MXI1: variants seen among roughly 807,000 people sequenced by gnomAD.
MXI1 encodes the protein max-interacting protein 1.
A neutral mutation model predicts 36.9 loss-of-function variants in MXI1; 18 were observed. The observed-to-expected ratio is 0.49, with a 90% CI of 0.34 to 0.72. The LOEUF (loss-of-function observed/expected upper bound fraction) is 0.72. Ranked by LOEUF, MXI1 falls within the 30% of genes least tolerant of loss-of-function variation. The pLI, the probability that MXI1 is intolerant of heterozygous loss-of-function variation, is 0.01. For synonymous variants in MXI1, 160 were observed against 146.7 expected (o/e 1.09, Z -0.65); for missense variants, 304 against 379.1 (o/e 0.80, Z 1.64).
intron 3 of MXI1, among the ~76,000 whole-genome samples, chr10:110,262,353 A>G (rs1856546643): frequency 6.6e-6 from 1 of 152,152 alleles, no homozygotes; most frequent in African/African-American, 2.4e-5. Flanking sequence ...ACCATTTTAT[A>G]TCAGGGACTT....
intron 3 of MXI1, 101 bp from the exon 4 acceptor site, chr10:110,279,079 A>ATTT: frequency 2.3e-6 from 2 of 860,128 alleles, no homozygotes; most frequent in East Asian, 5.2e-5. Flanking sequence ...TCTATCCTAT[A>ATTT]GGCTGAATAA....
At chr10:110,250,457 T>G (rs1436821586) in intron 3 of MXI1, among the ~76,000 whole-genome samples, 2 of 152,162 alleles carry the variant, frequency 1.3e-5, no homozygotes, top group African/African-American at 4.8e-5. Context: ...AAGACACAAT[T>G]CAGTATCAGT....
chr10:110,268,866 C>T (rs556733446), intron 3 of MXI1, among the ~76,000 whole-genome samples: 1 of 152,200 alleles, frequency 6.6e-6, no homozygotes, highest in Admixed American at 6.5e-5. Context: ...TTATCAGGGA[C>T]TATGGCGTAT....
intron 1 of MXI1, chr10:110,226,199 C>T (rs1018288447): frequency 2.0e-6 from 3 of 1,472,000 alleles, no homozygotes; most frequent in African/African-American, 1.5e-5. Context: ...CCGGTCGCCA[C>T]CCGCGGTGCC....
chr10:110,225,989 G>T, intron 1 of MXI1: 1 of 983,064 alleles, frequency 1.0e-6, no homozygotes, highest in Non-Finnish European at 1.2e-6. Flanking sequence ...TGCTCGCGGG[G>T]AGAGGTAAAC....
intron 5 of MXI1, among the ~76,000 whole-genome samples, chr10:110,282,131 T>C (rs1954282): frequency 0.26 from 38,930 of 152,014 alleles, 6,325 homozygotes; most frequent in African/African-American, 0.47. Flanking sequence ...CCAAACAGAG[T>C]TGGTAACCTA....
chr10:110,208,410 G>A, intron 1 of MXI1: 1 of 171,848 alleles, frequency 5.8e-6, no homozygotes, highest in Non-Finnish European at 1.2e-5. Context: ...CTTTGAGGTC[G>A]CTTTTCTTCC....
chr10:110,234,566 G>A (rs1295336983), intron 2 of MXI1, among the ~76,000 whole-genome samples: 2 of 151,784 alleles, frequency 1.3e-5, no homozygotes, highest in Non-Finnish European at 2.9e-5. Flanking sequence ...ATACATCTAT[G>A]GTACCACTCG....
Position 110,273,063 on chromosome 10 carries a change from T to TG in MXI1, c.438-6116dup, listed in dbSNP as rs1856907949. Among the ~76,000 whole-genome samples the TG allele has an allele frequency of 1.7e-4, 24 of 145,082 alleles. No individual in the cohort carries two copies. The South Asian group carries it at 5.7e-3, about 35-fold the overall frequency. Reference sequence around the variant, plus strand: ...TAGCTTTTTTTTTTTTTTTTTTTTTTGTGAGATGGAGTCTCGCTCTGTCAC... The same window carrying TG: ...TAGCTTTTTTTTTTTTTTTTTTTTTTGGTGAGATGGAGTCTCGCTCTGTCAC... On this transcript the variant is annotated intron_variant, in intron 3 of 5. Coordinates refer to ENST00000332674, the MANE Select transcript of MXI1 (RefSeq NM_130439.3).
rs1448882340 is a variant in MXI1 at position 110,287,086 on chromosome 10, G to C, written c.*2099G>C. 6.6e-6 allele frequency: 1 copy of C among 152,152 alleles called. No homozygotes were observed. The highest frequency in any genetic ancestry group is 6.5e-5 in the Admixed American group (1 of 15,272). 9.4% of individuals were successfully genotyped at this position (152,152 alleles called of 1,614,324 possible). On this transcript the variant is annotated 3_prime_UTR_variant, in exon 6 of 6. Coordinates refer to ENST00000332674, the MANE Select transcript of MXI1 (RefSeq NM_130439.3). ...GAAGCCAGTGACTAAGCTTCTGTTT[G>C]TTTTGTTATTCTCATGGCCTTCGCT...
intron 5 of MXI1, among the ~76,000 whole-genome samples, chr10:110,282,823 T>C (rs761251981): frequency 2.0e-5 from 3 of 152,162 alleles, no homozygotes; most frequent in Non-Finnish European, 4.4e-5. Context: ...TTTTTTTGGG[T>C]TTTTAAAAAA....
intron 3 of MXI1, among the ~76,000 whole-genome samples, chr10:110,264,458 C>T (rs560085490): frequency 2.0e-5 from 3 of 151,604 alleles, no homozygotes; most frequent in Admixed American, 6.6e-5. Context: ...TTCCGCCTCC[C>T]GGGTTTAAAC....
At chr10:110,226,091 G>A in intron 1 of MXI1, 3 of 1,117,872 alleles carry the variant, frequency 2.7e-6, no homozygotes, top group Non-Finnish European at 2.2e-6. Context: ...CCGCGGCCGA[G>A]CTGGCCCGCC....
chr10:110,250,014 G>A (rs1050990205), intron 3 of MXI1, among the ~76,000 whole-genome samples: 5 of 152,140 alleles, frequency 3.3e-5, no homozygotes, highest in African/African-American at 4.8e-5. Context: ...CCAGATCTCC[G>A]AGGGAAGCCT....
chr10:110,207,766 G>A lies in MXI1; in HGVS notation c.-43G>A. On this transcript the variant is annotated 5_prime_UTR_variant, in exon 1 of 6. Coordinates refer to ENST00000332674, the MANE Select transcript of MXI1 (RefSeq NM_130439.3). Reference sequence around the variant, plus strand: ...GGGGCCCGGAGCTCGGCCGGGCCGCGCAGCCCCGTTAGAGGACGAGCTCGG... The same window carrying A: ...GGGGCCCGGAGCTCGGCCGGGCCGCACAGCCCCGTTAGAGGACGAGCTCGG... 2 of 1,126,028 alleles carry A rather than the reference G, an allele frequency of 1.8e-6. No homozygotes were observed. The highest frequency in any genetic ancestry group is 1.1e-6 in the Non-Finnish European group (1 of 917,340). The allele number at this position is 1,126,028 out of a possible 1,614,324, so 69.8% of individuals were successfully genotyped here.
At chr10:110,208,169 T>G in intron 1 of MXI1, 87 bp downstream of exon 1, 9 of 1,233,384 alleles carry the variant, frequency 7.3e-6, no homozygotes, top group South Asian at 3.1e-5. Flanking sequence ...GCTCGGCCCG[T>G]CCCCCCCCCG....
At chr10:110,208,356 G>A in intron 1 of MXI1, 1 of 318,554 alleles carries the variant, frequency 3.1e-6, no homozygotes, top group Non-Finnish European at 5.8e-6. Context: ...CGGAGGAGCG[G>A]GGGAGTGTTG....
At chr10:110,219,635 C>T (rs545739280) in intron 1 of MXI1, among the ~76,000 whole-genome samples, 10 of 152,222 alleles carry the variant, frequency 6.6e-5, no homozygotes, top group Admixed American at 2.0e-4. Flanking sequence ...GCCACCTAAC[C>T]TTATCCCATT....
intron 1 of MXI1, chr10:110,226,446 G>C: frequency 2.2e-6 from 1 of 448,120 alleles, no homozygotes; most frequent in Non-Finnish European, 2.6e-6. Context: ...AGGAGCGCGC[G>C]TGTGTGGGGA....
Sources: gnomAD v4.1 joint callset for allele counts (sites outside exome capture counted in the v4.1 genomes callset) on GRCh38, gnomAD v4.1.1 for gene constraint, MANE v1.5 for transcripts, NCBI Gene and HGNC (gene_info 2026-07-23, HGNC 2026-07-21) for gene names.